The following TIMD4 variants were observed in gnomAD, a reference collection of about 807,000 sequenced individuals.
TIMD4 encodes the protein T-cell immunoglobulin and mucin domain-containing protein 4.
In TIMD4, 31 loss-of-function variants were observed where a neutral mutation model predicts 41.2. The observed-to-expected ratio is 0.75, with a 90% CI of 0.57 to 1.01. The LOEUF is 1.01. TIMD4 is among the 50% of genes least tolerant of loss of function. The probability of loss-of-function intolerance (pLI) is 0.00; values close to 1 mark genes in which losing one functional copy is unlikely to be tolerated. For synonymous variants in TIMD4, 204 were observed against 177.1 expected, an observed-to-expected ratio of 1.15 and a Z score of -1.21; for missense variants, 479 against 472.5, an observed-to-expected ratio of 1.01 and a Z score of -0.13.
chr5:156,921,446 C>G (rs1480455077), intron 7 of TIMD4, among the ~76,000 whole-genome samples: 1 of 151,438 alleles, frequency 6.6e-6, no homozygotes, highest in Admixed American at 6.6e-5. Flanking sequence ...CATGGTGAAA[C>G]CCCCTCCTAC....
intron 5 of TIMD4, among the ~76,000 whole-genome samples, chr5:156,940,075 G>C (rs1248391248): frequency 2.0e-5 from 3 of 152,238 alleles, no homozygotes; most frequent in Non-Finnish European, 4.4e-5. Context: ...TCCTGCCTCA[G>C]CCTGCTGAGT....
Position 156,948,411 on chromosome 5 carries a change from C to T in TIMD4, c.844+5G>A. The T allele has an allele frequency of 7.1e-7, 1 of 1,399,684 alleles. No individual in the cohort carries two copies. Among genetic ancestry groups the T allele is most frequent in the Non-Finnish European group, 9.3e-7 (1 of 1,074,106 alleles). 86.7% of individuals were successfully genotyped at this position (1,399,684 alleles called of 1,614,324 possible). ...ATAAAATAAAAAAAATCACAGCCCC[C>T]CTACCTCCAGGCTGAGGAGAAGACA... On this transcript the variant is annotated splice_donor_5th_base_variant and intron_variant, in intron 5 of 8. Coordinates refer to ENST00000274532, the MANE Select transcript of TIMD4 (RefSeq NM_138379.3).
chr5:156,950,720 C>T (rs1759836026), intron 3 of TIMD4, among the ~76,000 whole-genome samples: 1 of 152,106 alleles, frequency 6.6e-6, no homozygotes, highest in Admixed American at 6.6e-5. Context: ...AGAAAAGAAA[C>T]AAGGCTAGAA....
chr5:156,935,169 T>C (rs1759517275), intron 5 of TIMD4, among the ~76,000 whole-genome samples: 1 of 151,088 alleles, frequency 6.6e-6, no homozygotes. Context: ...TTTGAAATTG[T>C]CTCCTCCAAT....
chr5:156,957,519 AAAAAAGAAAAAAG>A (rs947340670), intron 1 of TIMD4, among the ~76,000 whole-genome samples: 2 of 150,632 alleles, frequency 1.3e-5, no homozygotes, highest in African/African-American at 2.4e-5. Context: ...TCTCAAAAAA[AAAAAAGAAAAAAG>A]AAAAAGAAAA....
chr5:156,934,448 GTTTGTTTTGT>G (rs374710606), intron 5 of TIMD4, among the ~76,000 whole-genome samples: 24 of 151,926 alleles, frequency 1.6e-4, no homozygotes, highest in African/African-American at 4.3e-4. Flanking sequence ...TTGTTTGTTT[GTTTGTTTTGT>G]TTTGTTTTGT....
intron 2 of TIMD4, among the ~76,000 whole-genome samples, chr5:156,952,379 A>T (rs963272511): frequency 2.0e-5 from 3 of 151,890 alleles, no homozygotes; most frequent in African/African-American, 7.3e-5. Context: ...TAAAGAACCC[A>T]GTCCTGCACC....
intron 2 of TIMD4, among the ~76,000 whole-genome samples, chr5:156,952,386 C>A (rs1221740387): frequency 6.6e-6 from 1 of 152,104 alleles, no homozygotes; most frequent in Non-Finnish European, 1.5e-5. Context: ...CCCAGTCCTG[C>A]ACCTTGGCCT....
chr5:156,947,073 CT>C (rs1490571399), intron 5 of TIMD4, among the ~76,000 whole-genome samples: 9 of 151,980 alleles, frequency 5.9e-5, no homozygotes, highest in Non-Finnish European at 1.3e-4. Context: ...TGGCATGTGC[CT>C]GTAGTCCCAG....
At chr5:156,944,495 CTTTTTTTT>C (rs5872492) in intron 5 of TIMD4, among the ~76,000 whole-genome samples, 5 of 69,096 alleles carry the variant, frequency 7.2e-5, no homozygotes, top group Middle Eastern at 0.011. Context: ...GCTGTGTGAT[CTTTTTTTT>C]TTTTTTTTTT....
chr5:156,938,733 T>C (rs1444852454), intron 5 of TIMD4, among the ~76,000 whole-genome samples: 1 of 152,164 alleles, frequency 6.6e-6, no homozygotes, highest in Non-Finnish European at 1.5e-5. Flanking sequence ...ACGTCAAACA[T>C]TCATCCTCTA....
At chr5:156,932,715 A>T (rs1298335340) in intron 5 of TIMD4, among the ~76,000 whole-genome samples, 3 of 152,150 alleles carry the variant, frequency 2.0e-5, no homozygotes, top group Non-Finnish European at 4.4e-5. Flanking sequence ...ATTAAAGAAA[A>T]CGGTTTAAGG....
intron 5 of TIMD4, among the ~76,000 whole-genome samples, chr5:156,943,917 A>T (rs1759690470): frequency 6.6e-6 from 1 of 151,048 alleles, no homozygotes; most frequent in African/African-American, 2.4e-5. Context: ...AAAATTAGCC[A>T]GGTGTGGTGG....
At chr5:156,958,512 G>C (rs932890368) in intron 1 of TIMD4, among the ~76,000 whole-genome samples, 8 of 152,140 alleles carry the variant, frequency 5.3e-5, no homozygotes, top group Non-Finnish European at 1.2e-4. Context: ...TTGAGTAATG[G>C]CCAAGGTGTG....
chr5:156,935,014 C>T (rs568030514), intron 5 of TIMD4, among the ~76,000 whole-genome samples: 1 of 152,234 alleles, frequency 6.6e-6, no homozygotes, highest in African/African-American at 2.4e-5. Flanking sequence ...CAAGTGCAAG[C>T]CTTCAGAGAA....
intron 1 of TIMD4, among the ~76,000 whole-genome samples, chr5:156,958,491 C>T (rs1357325807): frequency 2.0e-5 from 3 of 152,126 alleles, no homozygotes; most frequent in Admixed American, 1.3e-4. Flanking sequence ...AAGCTTAGAA[C>T]ACTGATAATA....
At chr5:156,919,776 T>A (rs1000993536) in intron 8 of TIMD4, among the ~76,000 whole-genome samples, 1 of 152,210 alleles carries the variant, frequency 6.6e-6, no homozygotes, top group African/African-American at 2.4e-5. Flanking sequence ...AAATCATGAT[T>A]TCAATACGTT....
chr5:156,962,553 C>T (rs1379213055), intron 1 of TIMD4, among the ~76,000 whole-genome samples: 1 of 152,134 alleles, frequency 6.6e-6, no homozygotes, highest in African/African-American at 2.4e-5. Flanking sequence ...GACATATTCC[C>T]AGTGTCAACA....
At chr5:156,930,490 T>C (rs927067181) in intron 5 of TIMD4, among the ~76,000 whole-genome samples, 11 of 152,174 alleles carry the variant, frequency 7.2e-5, no homozygotes, top group African/African-American at 2.7e-4. Context: ...CATGTCCTAC[T>C]GACAGAAGAA....
Sources: allele counts gnomAD v4.1 joint callset (sites outside exome capture counted in the v4.1 genomes callset), GRCh38; gene constraint gnomAD v4.1.1; transcripts MANE v1.5; gene names NCBI Gene and HGNC (gene_info 2026-07-23, HGNC 2026-07-21).